The following TAFA2 variants were observed in gnomAD, a reference collection of about 807,000 sequenced individuals.
The protein encoded by TAFA2 is TAFA chemokine like family member 2.
Under a neutral mutation model 18.8 loss-of-function variants are expected in TAFA2, and 7 were observed. The ratio of observed to expected loss-of-function variants is 0.37; its 90% CI spans 0.21 to 0.70. The LOEUF (loss-of-function observed/expected upper bound fraction) is 0.70. Among genes scored for constraint, TAFA2 ranks in the 30% least tolerant of loss-of-function variants. TAFA2 has a pLI of 0.53. For synonymous variants in TAFA2, 60 were observed against 54.2 expected (o/e 1.11, Z -0.47); for missense variants, 122 against 158.1 (o/e 0.77, Z 1.23).
chr12:62,259,384 A>G (rs1462846099), upstream of TAFA2: 3 of 152,288 alleles, frequency 2.0e-5, no homozygotes, highest in Non-Finnish European at 2.9e-5. Flanking sequence ...CAGCTCTTAA[A>G]GAGTTTACAT....
chr12:61,888,345 G>T (rs1056125674), intron 1 of TAFA2, among the ~76,000 whole-genome samples: 4 of 152,212 alleles, frequency 2.6e-5, no homozygotes, highest in African/African-American at 9.6e-5. Flanking sequence ...ATTAGAGCCA[G>T]GAGGATCCAT....
At position 61,709,617 on chromosome 12, in the gene TAFA2, A is replaced by C. The variant is rs189487592; in HGVS notation, c.*789T>G. ...AAAAAATTAAAGAAAAGCTCACTTA[A>C]AAAAAAACAGAAAGGGAGAGTGCTC... On this transcript the variant is annotated 3_prime_UTR_variant, in exon 5 of 5. Coordinates refer to ENST00000416284, the MANE Select transcript of TAFA2 (RefSeq NM_178539.5). 1 of 151,814 alleles carries C rather than the reference A, an allele frequency of 6.6e-6. No individual in the cohort carries two copies. Among genetic ancestry groups the C allele is most frequent in the East Asian group, 1.9e-4 (1 of 5,164 alleles). The allele number at this position is 151,814 out of a possible 1,614,324, so 9.4% of individuals were successfully genotyped here. A position where few individuals can be genotyped will look rare whatever the true frequency, so the allele number is the denominator to read the frequency against.
chr12:61,904,236 A>T (rs150283565), intron 1 of TAFA2, among the ~76,000 whole-genome samples: 189 of 152,310 alleles, frequency 1.2e-3, no homozygotes, highest in Non-Finnish European at 2.0e-3. Flanking sequence ...CCACCGTACC[A>T]GGTTGAATAC....
At chr12:61,844,665 G>A (rs1335494740) in intron 2 of TAFA2, among the ~76,000 whole-genome samples, 1 of 152,112 alleles carries the variant, frequency 6.6e-6, no homozygotes, top group Admixed American at 6.6e-5. Flanking sequence ...AAGTCACTGT[G>A]CTTCAATAAA....
At chr12:61,886,023 G>A (rs11174214) in intron 1 of TAFA2, among the ~76,000 whole-genome samples, 14,394 of 152,050 alleles carry the variant, frequency 0.095, 1,802 homozygotes, top group African/African-American at 0.28. Context: ...TCAATGGCAC[G>A]CACTCAACTC....
At chr12:61,929,826 T>C (rs1424677585) in intron 1 of TAFA2, among the ~76,000 whole-genome samples, 2 of 151,804 alleles carry the variant, frequency 1.3e-5, no homozygotes, top group Non-Finnish European at 2.9e-5. Context: ...TATGCAGCCA[T>C]AAAAAAGGAT....
intron 1 of TAFA2, among the ~76,000 whole-genome samples, chr12:62,093,424 T>A (rs1222387952): frequency 1.3e-5 from 2 of 152,150 alleles, no homozygotes; most frequent in African/African-American, 4.8e-5. Flanking sequence ...ACAGACAAAA[T>A]CTATTGTATA....
At chr12:62,231,504 C>T (rs927446863) in intron 1 of TAFA2, among the ~76,000 whole-genome samples, 9 of 152,114 alleles carry the variant, frequency 5.9e-5, no homozygotes, top group African/African-American at 2.2e-4. Flanking sequence ...CATATAGTTA[C>T]GTTTTGATTT....
In TAFA2 at chr12:61,765,778, A is replaced by G. The variant is rs1220789141; in HGVS notation, c.107-10754T>C. On this transcript the variant is annotated intron_variant, in intron 2 of 4. Coordinates refer to ENST00000416284, the MANE Select transcript of TAFA2 (RefSeq NM_178539.5). The stretch of plus-strand genomic sequence containing the variant: ...CCTTGTATATATTTATGTAATGCAG[A>G]TATCTAAGAGATAATCATAGATTTT... Among the ~76,000 whole-genome samples, 3 of 152,216 alleles carry G rather than the reference A, an allele frequency of 2.0e-5. No individual in the cohort carries two copies. In the South Asian group the frequency reaches 6.2e-4, roughly 32 times the overall value.
At chr12:61,718,835 G>A (rs981651942) in intron 4 of TAFA2, among the ~76,000 whole-genome samples, 2 of 151,940 alleles carry the variant, frequency 1.3e-5, no homozygotes, top group Admixed American at 6.6e-5. Flanking sequence ...TTTCAATCTG[G>A]TCAAGAATCA....
intron 2 of TAFA2, among the ~76,000 whole-genome samples, chr12:61,863,444 T>C (rs1024564334): frequency 6.6e-6 from 1 of 152,038 alleles, no homozygotes; most frequent in Non-Finnish European, 1.5e-5. Context: ...TAGTAAAACA[T>C]TAGGAAAGCC....
At chr12:61,946,213 T>A (rs1242162826) in intron 1 of TAFA2, among the ~76,000 whole-genome samples, 1 of 150,768 alleles carries the variant, frequency 6.6e-6, no homozygotes, top group Non-Finnish European at 1.5e-5. Context: ...GGGAAAGGAT[T>A]CCCTATTTAA....
At chr12:61,799,215 G>A (rs970086826) in intron 2 of TAFA2, among the ~76,000 whole-genome samples, 3 of 152,200 alleles carry the variant, frequency 2.0e-5, no homozygotes, top group African/African-American at 7.2e-5. Context: ...CATAGCATAT[G>A]TTTGGTTCTC....
intron 1 of TAFA2, among the ~76,000 whole-genome samples, chr12:62,257,373 C>A (rs2062945883): frequency 6.6e-6 from 1 of 152,112 alleles, no homozygotes; most frequent in South Asian, 2.1e-4. Context: ...TCACCCCAGG[C>A]TGAAAACTGG....
chr12:62,176,548 CT>C (rs1375737241), intron 1 of TAFA2, among the ~76,000 whole-genome samples: 2 of 151,834 alleles, frequency 1.3e-5, no homozygotes, highest in Non-Finnish European at 2.9e-5. Flanking sequence ...AGAGTTAGAG[CT>C]TTTTTTTCAA....
intron 1 of TAFA2, among the ~76,000 whole-genome samples, chr12:62,055,082 C>T (rs1220634510): frequency 1.3e-5 from 2 of 152,112 alleles, no homozygotes; most frequent in African/African-American, 2.4e-5. Flanking sequence ...GTGGAGTCCT[C>T]ATAGATGGGA....
chr12:62,054,719 A>G (rs1428387941), intron 1 of TAFA2, among the ~76,000 whole-genome samples: 2 of 152,216 alleles, frequency 1.3e-5, no homozygotes, highest in African/African-American at 4.8e-5. Flanking sequence ...TCTTCTATAA[A>G]GCTGTGTTCT....
Position 62,122,002 on chromosome 12 carries a change from T to C in TAFA2, c.-2+69257A>G, listed in dbSNP as rs538264513. Reference sequence around the variant, plus strand: ...ACCAACTACCACACATTCTCACTTATAAGTGGAAGCTAAATGATGAGAACA... The same window carrying C: ...ACCAACTACCACACATTCTCACTTACAAGTGGAAGCTAAATGATGAGAACA... On this transcript the variant is annotated intron_variant, in intron 1 of 4. Transcript: ENST00000416284. Among the ~76,000 whole-genome samples, 4 of 152,262 alleles carry C rather than the reference T, an allele frequency of 2.6e-5. No individual in the cohort carries two copies. The South Asian group carries it at 8.3e-4, about 32-fold the overall frequency.
chr12:61,963,861 G>T (rs1055300615), intron 1 of TAFA2, among the ~76,000 whole-genome samples: 4 of 151,992 alleles, frequency 2.6e-5, no homozygotes, highest in African/African-American at 9.7e-5. Context: ...AAACAGCATG[G>T]TACTGGTACC....
Sources: allele counts gnomAD v4.1 joint callset (sites outside exome capture counted in the v4.1 genomes callset), GRCh38; gene constraint gnomAD v4.1.1; transcripts MANE v1.5; gene names NCBI Gene and HGNC (gene_info 2026-07-23, HGNC 2026-07-21).